The following TRHDE variants were observed in gnomAD, a reference collection of about 807,000 sequenced individuals.
TRHDE encodes the protein thyrotropin-releasing hormone-degrading ectoenzyme.
A neutral mutation model predicts 125.7 loss-of-function variants in TRHDE; 72 were observed. The ratio of observed to expected loss-of-function variants is 0.57; its 90% CI spans 0.47 to 0.70. The LOEUF (loss-of-function observed/expected upper bound fraction) is 0.70, where lower values mean the gene tolerates loss of function less well. Ranked by LOEUF, TRHDE falls within the 30% of genes least tolerant of loss-of-function variation. The probability of loss-of-function intolerance (pLI) is 0.00; values close to 1 mark genes in which losing one functional copy is unlikely to be tolerated. For synonymous variants in TRHDE, 509 were observed against 509.1 expected, an observed-to-expected ratio of 1.00 and a Z score of 0.00; for missense variants, 1,110 against 1,327.1, an observed-to-expected ratio of 0.84 and a Z score of 2.54.
intron 3 of TRHDE, among the ~76,000 whole-genome samples, chr12:72,386,580 C>T (rs1181200221): frequency 6.6e-6 from 1 of 152,142 alleles, no homozygotes; most frequent in Non-Finnish European, 1.5e-5. Flanking sequence ...CACACACATG[C>T]ACATTCACTC....
chr12:72,294,285 T>C (rs540602369), intron 2 of TRHDE, among the ~76,000 whole-genome samples: 1 of 152,238 alleles, frequency 6.6e-6, no homozygotes, highest in African/African-American at 2.4e-5. Flanking sequence ...ATGAGGTATG[T>C]AGGGGAGTGG....
At chr12:72,474,955 A>T (rs1876821901) in intron 5 of TRHDE, among the ~76,000 whole-genome samples, 1 of 152,180 alleles carries the variant, frequency 6.6e-6, no homozygotes, top group African/African-American at 2.4e-5. Context: ...CTGATATTTT[A>T]TGAAGGCAAC....
At chr12:72,173,959 T>C (rs921374740) in intron 2 of TRHDE, among the ~76,000 whole-genome samples, 2 of 152,212 alleles carry the variant, frequency 1.3e-5, no homozygotes, top group African/African-American at 2.4e-5. Flanking sequence ...ATGCATGTCG[T>C]TTTATAATAT....
intron 2 of TRHDE, among the ~76,000 whole-genome samples, chr12:72,216,284 C>T (rs935794610): frequency 2.0e-5 from 3 of 151,976 alleles, no homozygotes; most frequent in African/African-American, 7.3e-5. Context: ...CATGCCAGCT[C>T]CGTAGTATTT....
chr12:72,498,727 A>G (rs1304386868), intron 5 of TRHDE, among the ~76,000 whole-genome samples: 1 of 152,200 alleles, frequency 6.6e-6, no homozygotes, highest in African/African-American at 2.4e-5. Context: ...TTATTTTTTA[A>G]CATAGCAAAT....
rs929017398 is a variant in TRHDE at position 72,619,055 on chromosome 12, T to G, written c.2469+17T>G. 2.0e-6 allele frequency: 3 copies of G among 1,522,374 alleles called. 1 individual carries two copies. The highest frequency in any genetic ancestry group is 2.6e-6 in the Non-Finnish European group (3 of 1,135,584). 94.3% of individuals were successfully genotyped at this position (1,522,374 alleles called of 1,614,324 possible). A position where few individuals can be genotyped will look rare whatever the true frequency, so the allele number is the denominator to read the frequency against. ...ATTTTCAATGTAAAAAGATATAATT[T>G]TTCTTTCTAATTTTTAGAAGATACA... is the stretch of plus-strand genomic sequence containing the variant. On this transcript the variant is annotated intron_variant, in intron 13 of 18. Coordinates refer to ENST00000261180, the MANE Select transcript of TRHDE (RefSeq NM_013381.3).
At chr12:72,543,751 GA>G (rs1226034539) in intron 7 of TRHDE, among the ~76,000 whole-genome samples, 1 of 150,216 alleles carries the variant, frequency 6.7e-6, no homozygotes, top group Admixed American at 6.7e-5. Flanking sequence ...TCAGCAGATT[GA>G]ATAACTACAG....
At chr12:72,511,753 C>T (rs951984672) in intron 6 of TRHDE, among the ~76,000 whole-genome samples, 2 of 151,874 alleles carry the variant, frequency 1.3e-5, no homozygotes. Context: ...TTATTTTTTC[C>T]TGTGCGAACC....
chr12:72,184,390 C>A (rs1028055182), intron 2 of TRHDE, among the ~76,000 whole-genome samples: 10 of 152,124 alleles, frequency 6.6e-5, no homozygotes, highest in African/African-American at 2.4e-4. Context: ...ACCCTCCCCT[C>A]CCCGCTTCTT....
At chr12:72,432,325 C>A (rs1168844127) in intron 3 of TRHDE, among the ~76,000 whole-genome samples, 1 of 152,148 alleles carries the variant, frequency 6.6e-6, no homozygotes, top group Non-Finnish European at 1.5e-5. Flanking sequence ...AGGCACAATG[C>A]CGAAAACCTG....
chr12:72,115,235 TC>T (rs1305153421), intron 2 of TRHDE, among the ~76,000 whole-genome samples: 21 of 94,194 alleles, frequency 2.2e-4, no homozygotes, highest in Admixed American at 1.1e-3. Flanking sequence ...CCCACCCCCC[TC>T]CCACTATTCT....
At chr12:72,209,681 A>G (rs754444848) in intron 2 of TRHDE, among the ~76,000 whole-genome samples, 14 of 152,180 alleles carry the variant, frequency 9.2e-5, no homozygotes, top group Admixed American at 7.9e-4. Context: ...AGGGGTAAAC[A>G]TGTTTATTCT....
intron 2 of TRHDE, among the ~76,000 whole-genome samples, chr12:72,262,307 TC>T (rs1310059471): frequency 6.6e-6 from 1 of 152,170 alleles, no homozygotes; most frequent in East Asian, 1.9e-4. Flanking sequence ...TATTTGCATA[TC>T]CTAGAGGGTA....
At chr12:72,271,536 TGGTGTGACA>T (rs1490784015), upstream of TRHDE, among the ~76,000 whole-genome samples, 1 of 152,134 alleles carries the variant, frequency 6.6e-6, no homozygotes, top group Non-Finnish European at 1.5e-5. Context: ...TGTGGGTGTC[TGGTGTGACA>T]GAGCGGAGAA....
intron 3 of TRHDE, among the ~76,000 whole-genome samples, chr12:72,466,495 G>A (rs1876382267): frequency 6.6e-6 from 1 of 152,186 alleles, no homozygotes; most frequent in Admixed American, 6.5e-5. Context: ...CGGTGACAAA[G>A]TTGACACACT....
chr12:72,577,787 T>G (rs1045723821), intron 12 of TRHDE, among the ~76,000 whole-genome samples: 2 of 152,182 alleles, frequency 1.3e-5, no homozygotes, highest in Non-Finnish European at 2.9e-5. Context: ...CAATTCCAAT[T>G]TTGCATGCTT....
At chr12:72,439,857 A>G (rs896470149) in intron 3 of TRHDE, among the ~76,000 whole-genome samples, 3 of 151,918 alleles carry the variant, frequency 2.0e-5, no homozygotes, top group South Asian at 4.1e-4. Flanking sequence ...CTTTCCTGAC[A>G]TAATAGCATA....
chr12:72,613,940 T>C (rs1423351933), intron 12 of TRHDE, among the ~76,000 whole-genome samples: 2 of 152,036 alleles, frequency 1.3e-5, no homozygotes, highest in East Asian at 1.9e-4. Context: ...ATAGTGCTGG[T>C]GTCAGTCTGG....
chr12:72,656,851 C>T, intron 17 of TRHDE, 76 bp from the exon 18 acceptor site: 1 of 1,029,354 alleles, frequency 9.7e-7, no homozygotes, highest in Non-Finnish European at 1.5e-6. Context: ...CTTGAGAAAA[C>T]TCTAAAAAAT....
Sources: allele counts gnomAD v4.1 joint callset (sites outside exome capture counted in the v4.1 genomes callset), GRCh38; gene constraint gnomAD v4.1.1; transcripts MANE v1.5; gene names NCBI Gene and HGNC (gene_info 2026-07-23, HGNC 2026-07-21).